The following ANO2 variants were observed in gnomAD, a reference collection of about 807,000 sequenced individuals.
ANO2 encodes anoctamin 2.
ANO2 carries 101 observed loss-of-function variants against 124.2 expected under a neutral mutation model. The observed-to-expected ratio is 0.81, with a 90% CI of 0.69 to 0.96. The LOEUF (loss-of-function observed/expected upper bound fraction) is 0.96. Among genes scored for constraint, ANO2 ranks in the 40% least tolerant of loss-of-function variants. The probability of loss-of-function intolerance (pLI) is 0.00; values close to 1 mark genes in which losing one functional copy is unlikely to be tolerated. For synonymous variants in ANO2, 486 were observed against 482.5 expected (o/e 1.01, Z -0.09); for missense variants, 1,293 against 1,274.5 (o/e 1.01, Z -0.22).
intron 10 of ANO2, among the ~76,000 whole-genome samples, chr12:5,782,413 T>G (rs1952426387): frequency 6.6e-6 from 1 of 152,212 alleles, no homozygotes; most frequent in Admixed American, 6.5e-5. Flanking sequence ...AATTTTGATG[T>G]TTAGACCATT....
chr12:5,770,690 C>A (rs996043838), intron 10 of ANO2, among the ~76,000 whole-genome samples: 2 of 152,184 alleles, frequency 1.3e-5, no homozygotes, highest in Non-Finnish European at 2.9e-5. Flanking sequence ...TTTCACTACA[C>A]TTCTGTCAGA....
At chr12:5,832,651 G>C (rs1250759731) in intron 4 of ANO2, 48 bp from the exon 5 acceptor site, 1 of 1,552,608 alleles carries the variant, frequency 6.4e-7, no homozygotes, top group African/African-American at 1.4e-5. Context: ...ACTTCCAGCA[G>C]AGAGGAATGG....
At chr12:5,668,546 T>C (rs772860016) in intron 14 of ANO2, among the ~76,000 whole-genome samples, 2 of 152,182 alleles carry the variant, frequency 1.3e-5, no homozygotes, top group African/African-American at 4.8e-5. Flanking sequence ...AGCTCTTTGG[T>C]TTAATTAGAT....
chr12:5,706,970 G>A (rs1475579942), intron 14 of ANO2, among the ~76,000 whole-genome samples: 1 of 152,188 alleles, frequency 6.6e-6, no homozygotes, highest in Non-Finnish European at 1.5e-5. Context: ...TGCCAGCCAG[G>A]TGACCTTGGG....
intron 16 of ANO2, among the ~76,000 whole-genome samples, chr12:5,633,144 G>A (rs1439279516): frequency 6.6e-6 from 1 of 152,214 alleles, no homozygotes; most frequent in Non-Finnish European, 1.5e-5. Context: ...CCTCTTGGGT[G>A]AGAGAAGGAG....
intron 1 of ANO2, among the ~76,000 whole-genome samples, chr12:5,934,106 T>G (rs556696837): frequency 6.6e-6 from 1 of 152,200 alleles, no homozygotes; most frequent in South Asian, 2.1e-4. Flanking sequence ...ACACTTTACA[T>G]GTGTCAGACA....
chr12:5,782,824 T>C (rs1465467054), intron 10 of ANO2, among the ~76,000 whole-genome samples: 1 of 152,228 alleles, frequency 6.6e-6, no homozygotes, highest in Non-Finnish European at 1.5e-5. Flanking sequence ...CTAGAGAGCA[T>C]GGGCTCCAAT....
chr12:5,805,627 G>C (rs963609232), intron 9 of ANO2, among the ~76,000 whole-genome samples: 3 of 152,216 alleles, frequency 2.0e-5, no homozygotes, highest in South Asian at 2.1e-4. Flanking sequence ...TTTTAAGCAA[G>C]AGCCCTGGAT....
At chr12:5,611,372 G>A (rs1944537642) in intron 19 of ANO2, among the ~76,000 whole-genome samples, 1 of 150,978 alleles carries the variant, frequency 6.6e-6, no homozygotes. Context: ...GTTATATGCA[G>A]TCTATTTTGT....
chr12:5,707,515 G>C (rs7308694), intron 14 of ANO2, among the ~76,000 whole-genome samples: 20,425 of 122,930 alleles, frequency 0.17, 1,462 homozygotes, highest in East Asian at 0.23. Flanking sequence ...TTATAGAGAG[G>C]AGAAGTTCAG....
chr12:5,664,209 G>A (rs976028779), intron 14 of ANO2, among the ~76,000 whole-genome samples: 1 of 152,114 alleles, frequency 6.6e-6, no homozygotes, highest in Non-Finnish European at 1.5e-5. Context: ...CTAAGGTAGT[G>A]GGCCAAGATT....
At chr12:5,937,278 T>C (rs1942688919) in intron 1 of ANO2, among the ~76,000 whole-genome samples, 2 of 152,220 alleles carry the variant, frequency 1.3e-5, no homozygotes, top group Admixed American at 6.5e-5. Context: ...GATATCTCAC[T>C]GTAGTTTTGA....
chr12:5,803,680 C>A (rs1305760195), intron 9 of ANO2, among the ~76,000 whole-genome samples: 2 of 152,188 alleles, frequency 1.3e-5, no homozygotes, highest in Non-Finnish European at 2.9e-5. Context: ...TACCCCCACG[C>A]TGCTCCCTCT....
intron 22 of ANO2, 51 bp downstream of exon 22, chr12:5,577,904 C>T (rs1942505961): frequency 6.3e-7 from 1 of 1,576,642 alleles, no homozygotes; most frequent in Non-Finnish European, 8.7e-7. Context: ...ACCTCAGCTT[C>T]TCTGGAAGCC....
chr12:5,609,867 A>C (rs2136899883), intron 19 of ANO2, among the ~76,000 whole-genome samples: 1 of 139,798 alleles, frequency 7.2e-6, no homozygotes, highest in South Asian at 2.2e-4. Flanking sequence ...TGTTTAGAAA[A>C]TGTATATATA....
At chr12:5,896,919 A>G (rs1357351048) in intron 3 of ANO2, among the ~76,000 whole-genome samples, 1 of 152,214 alleles carries the variant, frequency 6.6e-6, no homozygotes, top group Non-Finnish European at 1.5e-5. Flanking sequence ...AAACTTTTGA[A>G]GACAATTCTA....
rs1389722869 is a variant in ANO2, at chr12:5,658,750, TATC to T, written c.1546-10952_1546-10950del. ...TCATCATCATCATCATCAACATCATTATCATCATTAAATCATCATCAGCATCAA... is the reference window on the plus strand; with the variant it reads ...TCATCATCATCATCATCAACATCATTATCATTAAATCATCATCAGCATCAA... On this transcript the variant is annotated intron_variant, in intron 14 of 24. Transcript: ENST00000682330. The surrounding 1 kb of genome is among the most constrained non-coding windows in gnomAD (Gnocchi z 4.3). Among the ~76,000 whole-genome samples the T allele has an allele frequency of 1.7e-4, 25 of 151,350 alleles. No homozygotes were observed. Among genetic ancestry groups the T allele is most frequent in the African/African-American group, 4.9e-4 (20 of 41,050 alleles).
intron 14 of ANO2, among the ~76,000 whole-genome samples, chr12:5,671,038 C>T (rs1947973086): frequency 6.6e-6 from 1 of 152,162 alleles, no homozygotes; most frequent in African/African-American, 2.4e-5. Context: ...GATTGTGATG[C>T]ATGGCTGGCA....
intron 4 of ANO2, among the ~76,000 whole-genome samples, chr12:5,833,816 C>T (rs868443504): frequency 2.6e-5 from 4 of 152,114 alleles, no homozygotes; most frequent in African/African-American, 9.7e-5. Flanking sequence ...CCTGCCACCA[C>T]CACCCCTACC....
Sources: allele counts gnomAD v4.1 joint callset (sites outside exome capture counted in the v4.1 genomes callset), GRCh38; gene constraint gnomAD v4.1.1; non-coding constraint Gnocchi (gnomAD v3.1); transcripts MANE v1.5; gene names NCBI Gene and HGNC (gene_info 2026-07-23, HGNC 2026-07-21).